The following KLF8 variants were observed in gnomAD, a reference collection of about 807,000 sequenced individuals.
KLF8 encodes KLF transcription factor 8.
A neutral mutation model predicts 18.2 loss-of-function variants in KLF8; 10 were observed. That is an observed-to-expected ratio of 0.55 (90% CI 0.34 to 0.93). The LOEUF is 0.93. Among genes scored for constraint, KLF8 ranks in the 40% least tolerant of loss-of-function variants. The probability of loss-of-function intolerance (pLI) is 0.02; values close to 1 mark genes in which losing one functional copy is unlikely to be tolerated. For synonymous variants in KLF8, 109 were observed against 97.3 expected, an observed-to-expected ratio of 1.12 and a Z score of -0.71; for missense variants, 264 against 277.9, an observed-to-expected ratio of 0.95 and a Z score of 0.36.
chrX:56,043,940 T>C, the KLF8 span, among the ~76,000 whole-genome samples: 1 of 112,770 alleles, frequency 8.9e-6, no homozygotes, highest in African/African-American at 3.2e-5. Context: ...TGTGGCTTTA[T>C]CTGCCTTCTA....
the KLF8 span, among the ~76,000 whole-genome samples, chrX:56,139,273 A>G: frequency 8.9e-6 from 1 of 111,988 alleles, no homozygotes; most frequent in Non-Finnish European, 1.9e-5. Flanking sequence ...AACTACCAAC[A>G]ATATTTTTCA....
the KLF8 span, among the ~76,000 whole-genome samples, chrX:55,918,736 G>A: frequency 8.1e-5 from 9 of 111,283 alleles, no homozygotes; most frequent in African/African-American, 1.3e-4. Context: ...GTATATGAGC[G>A]TGTCCGTGTG....
At chrX:55,964,292 G>T in the KLF8 span, among the ~76,000 whole-genome samples, 1 of 112,096 alleles carries the variant, frequency 8.9e-6, no homozygotes, top group African/African-American at 3.2e-5. Flanking sequence ...AAATTGAGAT[G>T]CAAAAATTCA....
chrX:56,085,260 CA>C, the KLF8 span, among the ~76,000 whole-genome samples: 1 of 111,325 alleles, frequency 9.0e-6, no homozygotes, highest in Non-Finnish European at 1.9e-5. Flanking sequence ...GAGATACACA[CA>C]CACACCCCAC....
chrX:56,260,280 G>A (rs1394005736), intron 2 of KLF8, among the ~76,000 whole-genome samples: 1 of 110,036 alleles, frequency 9.1e-6, no homozygotes. Context: ...GTGTAGACGA[G>A]TGTTTTTGAG....
At chrX:56,181,684 C>T in the KLF8 span, among the ~76,000 whole-genome samples, 1 of 110,776 alleles carries the variant, frequency 9.0e-6, no homozygotes, top group South Asian at 3.8e-4. Flanking sequence ...TCGGCATTTG[C>T]GTGTCTGTAA....
the KLF8 span, among the ~76,000 whole-genome samples, chrX:56,159,865 G>C: frequency 9.0e-6 from 1 of 110,907 alleles, no homozygotes; most frequent in Non-Finnish European, 1.9e-5. Context: ...TTTTTTGAAG[G>C]GTTTTTTTAT....
chrX:56,058,719 T>C, the KLF8 span, among the ~76,000 whole-genome samples: 1 of 111,112 alleles, frequency 9.0e-6, no homozygotes, highest in South Asian at 3.8e-4. Flanking sequence ...CTATGGTGTA[T>C]ATGTGCCACA....
chrX:56,045,719 T>A, the KLF8 span, among the ~76,000 whole-genome samples: 1 of 111,891 alleles, frequency 8.9e-6, no homozygotes, highest in Non-Finnish European at 1.9e-5. Flanking sequence ...TCACTGTTAG[T>A]GTATAGCAGA....
chrX:56,084,590 G>A, the KLF8 span, among the ~76,000 whole-genome samples: 2 of 111,553 alleles, frequency 1.8e-5, no homozygotes, highest in Non-Finnish European at 3.8e-5. Context: ...TCAGAAGAAG[G>A]GAGGTCAACT....
the KLF8 span, among the ~76,000 whole-genome samples, chrX:56,104,273 G>A: frequency 9.0e-6 from 1 of 111,546 alleles, no homozygotes; most frequent in Admixed American, 9.5e-5. Context: ...GATTGGAATA[G>A]TTTCAGAAGG....
At chrX:55,940,144 C>T in the KLF8 span, among the ~76,000 whole-genome samples, 6 of 111,742 alleles carry the variant, frequency 5.4e-5, no homozygotes, top group South Asian at 3.7e-4. Context: ...TCCTGGCAAA[C>T]GGAATCCAGC....
the KLF8 span, among the ~76,000 whole-genome samples, chrX:55,924,783 T>G: frequency 9.2e-6 from 1 of 108,408 alleles, no homozygotes; most frequent in Non-Finnish European, 1.9e-5. Context: ...CTGAAGTCTC[T>G]CCTATTATTA....
the KLF8 span, among the ~76,000 whole-genome samples, chrX:55,960,097 A>C: frequency 8.9e-6 from 1 of 112,190 alleles, no homozygotes; most frequent in Non-Finnish European, 1.9e-5. Context: ...TATAAGCATC[A>C]CTAAAGAAAA....
At chrX:56,247,850 G>T (rs2066645609) in intron 1 of KLF8, among the ~76,000 whole-genome samples, 1 of 111,217 alleles carries the variant, frequency 9.0e-6, no homozygotes, top group Admixed American at 9.6e-5. Context: ...TAAGTAGAAG[G>T]AGTACACTCT....
chrX:56,149,155 T>G, the KLF8 span, among the ~76,000 whole-genome samples: 1 of 111,626 alleles, frequency 9.0e-6, no homozygotes, highest in Non-Finnish European at 1.9e-5. Flanking sequence ...GGTAGTGGAA[T>G]CAATGAAGAG....
At chrX:56,009,054 C>A in the KLF8 span, among the ~76,000 whole-genome samples, 1 of 110,997 alleles carries the variant, frequency 9.0e-6, no homozygotes, top group Non-Finnish European at 1.9e-5. Flanking sequence ...AGCAACATTA[C>A]CCCCAGCACC....
At chrX:56,192,143 A>T in the KLF8 span, among the ~76,000 whole-genome samples, 1 of 112,254 alleles carries the variant, frequency 8.9e-6, no homozygotes, top group Non-Finnish European at 1.9e-5. Context: ...ATAAAAAGTG[A>T]ACATGCAAAA....
the KLF8 span, among the ~76,000 whole-genome samples, chrX:56,042,868 G>A: frequency 9.0e-6 from 1 of 111,388 alleles, no homozygotes; most frequent in African/African-American, 3.3e-5. Flanking sequence ...TCATCAAGAC[G>A]CTAGCTGGTT....
Sources: allele counts gnomAD v4.1 joint callset (sites outside exome capture counted in the v4.1 genomes callset), GRCh38; gene constraint gnomAD v4.1.1; transcripts MANE v1.5; gene names NCBI Gene and HGNC (gene_info 2026-07-23, HGNC 2026-07-21).